The following SCEL variants were observed in gnomAD, a reference collection of about 807,000 sequenced individuals.
SCEL encodes the protein sciellin.
Under a neutral mutation model 117.6 loss-of-function variants are expected in SCEL, and 113 were observed. The observed-to-expected ratio is 0.96, with a 90% CI of 0.83 to 1.12. The LOEUF is 1.12. Among genes scored for constraint, SCEL ranks in the 50% most tolerant of loss-of-function variants. SCEL has a pLI of 0.00. For missense variants in SCEL, 785 were observed against 810.8 expected (o/e 0.97, Z 0.39); for synonymous variants, 270 against 256.2 (o/e 1.05, Z -0.51).
At chr13:77,542,663 T>C (rs143080406) in intron 1 of SCEL, among the ~76,000 whole-genome samples, 26 of 152,350 alleles carry the variant, frequency 1.7e-4, no homozygotes, top group African/African-American at 6.3e-4. Context: ...TGTTTGTTTC[T>C]GAGAGACTAT....
At chr13:77,579,356 AGTACATATTGATTG>A (rs1352203122) in intron 9 of SCEL, among the ~76,000 whole-genome samples, 1 of 152,244 alleles carries the variant, frequency 6.6e-6, no homozygotes, top group African/African-American at 2.4e-5. Context: ...TTTGTCAATA[AGTACATATTGATTG>A]ATAGATTGAT....
At chr13:77,601,680 T>C (rs992534525) in intron 15 of SCEL, among the ~76,000 whole-genome samples, 2 of 152,232 alleles carry the variant, frequency 1.3e-5, no homozygotes, top group Non-Finnish European at 2.9e-5. Context: ...AGACTTAAAA[T>C]ATTGATCAAT....
rs775893549 is a variant in SCEL, at chr13:77,613,925, T to C, written c.1421T>C (p.Val474Ala). 6.2e-6 allele frequency: 10 copies of C among 1,613,592 alleles called. No homozygotes were observed. The South Asian group carries it at 1.1e-4, about 18-fold the overall frequency. ...CAAGGTCTTGATGAACATATTAATGTCAGCCCCAAAGCTGTCAAAAACACT... is the reference window on the plus strand; with the variant it reads ...CAAGGTCTTGATGAACATATTAATGCCAGCCCCAAAGCTGTCAAAAACACT... ...SEQGLDEHINVSPKAVKNTDG... is the reference protein window; with the variant it reads ...SEQGLDEHINASPKAVKNTDG... The change falls in exon 24 of 33, where the codon GTC becomes GCC. Residue 474 changes from valine (V) to alanine (A), a missense_variant. By Grantham distance (64) the Val-to-Ala change is moderately conservative. Coordinates refer to ENST00000349847, the MANE Select transcript of SCEL (RefSeq NM_144777.3).
In SCEL at chr13:77,589,170, C is replaced by T. The variant is rs762391316; in HGVS notation, c.572C>T (p.Pro191Leu). 1.2e-6 allele frequency: 2 copies of T among 1,613,050 alleles called. No individual in the cohort carries two copies. The highest frequency in any genetic ancestry group is 2.2e-5 in the East Asian group (1 of 44,860). ...GAACCAGGTGTTCACCCTCCAATAC[C>T]TCCAAAGCCCAGTTCTCCTGTTTCT... ...RREPGVHPPI[P>L]PKPSSPVSSP... is the part of the protein sequence containing the mutation. Residue 191 changes from proline to leucine, a missense_variant, in exon 10 of 33, where the codon CCT (proline) becomes CTT (leucine). Physicochemically the swap from Pro to Leu is moderately conservative, Grantham distance 98. Transcript: ENST00000349847.
At chr13:77,602,794 G>C (rs771416173) in intron 17 of SCEL, 81 bp downstream of exon 17, 20 of 1,234,364 alleles carry the variant, frequency 1.6e-5, no homozygotes, top group Non-Finnish European at 2.4e-5. Flanking sequence ...CCACATCTTT[G>C]TTTGGCTTCT....
intron 8 of SCEL, among the ~76,000 whole-genome samples, chr13:77,570,204 C>T (rs1272641065): frequency 6.6e-6 from 1 of 152,186 alleles, no homozygotes; most frequent in African/African-American, 2.4e-5. Context: ...GCTGACTTTG[C>T]CATGGTGCTG....
chr13:77,543,891 C>G (rs1029765832), intron 1 of SCEL, among the ~76,000 whole-genome samples: 1 of 152,066 alleles, frequency 6.6e-6, no homozygotes, highest in Non-Finnish European at 1.5e-5. Flanking sequence ...GTTTGAATCC[C>G]AACTGGGCGA....
intron 17 of SCEL, 169 bp from the exon 18 acceptor site, chr13:77,602,907 G>T: frequency 3.2e-6 from 2 of 621,608 alleles, no homozygotes; most frequent in Non-Finnish European, 2.7e-6. Context: ...AAATCCTAAG[G>T]ATTAATTAAA....
chr13:77,568,216 T>C (rs1489703638), intron 6 of SCEL, 79 bp from the exon 7 acceptor site: 1 of 897,212 alleles, frequency 1.1e-6, no homozygotes, highest in Non-Finnish European at 1.8e-6. Flanking sequence ...TTTAAAACTC[T>C]AAATTCAGGA....
chr13:77,626,128 A>G (rs1324925492), intron 27 of SCEL, among the ~76,000 whole-genome samples: 1 of 152,198 alleles, frequency 6.6e-6, no homozygotes, highest in Non-Finnish European at 1.5e-5. Flanking sequence ...GAGTCTCACA[A>G]TCATGGTGGA....
chr13:77,610,964 G>A (rs2088607845), intron 22 of SCEL, among the ~76,000 whole-genome samples: 1 of 152,232 alleles, frequency 6.6e-6, no homozygotes, highest in East Asian at 1.9e-4. Flanking sequence ...AATGTATATT[G>A]TTATATGAAT....
intron 27 of SCEL, among the ~76,000 whole-genome samples, chr13:77,620,651 T>A (rs1342183364): frequency 6.6e-6 from 1 of 152,208 alleles, no homozygotes; most frequent in Non-Finnish European, 1.5e-5. Context: ...TCAACCAGTG[T>A]CAAAGAGAGA....
chr13:77,558,180 C>G (rs981381171), intron 3 of SCEL, among the ~76,000 whole-genome samples: 2 of 152,156 alleles, frequency 1.3e-5, no homozygotes, highest in African/African-American at 4.8e-5. Flanking sequence ...AGACAAATCA[C>G]AGTTGGGAGG....
intron 27 of SCEL, among the ~76,000 whole-genome samples, chr13:77,624,100 C>CTTTTT (rs566206052): frequency 4.2e-5 from 5 of 120,342 alleles, no homozygotes; most frequent in Non-Finnish European, 6.7e-5. Context: ...CTTGTCTTCA[C>CTTTTT]TTTTTTTTTT....
intron 1 of SCEL, among the ~76,000 whole-genome samples, chr13:77,536,536 G>A (rs1021542418): frequency 3.3e-5 from 5 of 152,138 alleles, no homozygotes; most frequent in South Asian, 2.1e-4. Context: ...TGTATATGGG[G>A]GCAATTTTCA....
intron 30 of SCEL, 69 bp from the exon 31 acceptor site, chr13:77,640,607 A>G: frequency 1.6e-6 from 1 of 630,598 alleles, no homozygotes. Flanking sequence ...TTGCCATGTG[A>G]GTTTATAGGG....
At chr13:77,551,738 C>G (rs1285004749) in intron 1 of SCEL, among the ~76,000 whole-genome samples, 1 of 151,898 alleles carries the variant, frequency 6.6e-6, no homozygotes, top group South Asian at 2.1e-4. Context: ...TACATGTGCA[C>G]AATGTGCAGG....
At chr13:77,635,302 T>C (rs1293803173) in intron 29 of SCEL, among the ~76,000 whole-genome samples, 1 of 152,232 alleles carries the variant, frequency 6.6e-6, no homozygotes, top group Non-Finnish European at 1.5e-5. Context: ...ATTTCTGCTG[T>C]CTTTCAATTA....
intron 9 of SCEL, among the ~76,000 whole-genome samples, chr13:77,584,206 C>T (rs1452692654): frequency 3.3e-5 from 5 of 152,172 alleles, no homozygotes; most frequent in African/African-American, 7.2e-5. Context: ...CTTCCTGCCT[C>T]GCTCTTGCAT....
Sources: gnomAD v4.1 joint callset for allele counts (sites outside exome capture counted in the v4.1 genomes callset) on GRCh38, gnomAD v4.1.1 for gene constraint, MANE v1.5 for transcripts, NCBI Gene and HGNC (gene_info 2026-07-23, HGNC 2026-07-21) for gene names.